Variants in EPM2A observed in about 807,000 individuals in gnomAD.
EPM2A encodes the protein laforin.
A neutral mutation model predicts 26.5 loss-of-function variants in EPM2A; 21 were observed. That is an observed-to-expected ratio of 0.79 (90% confidence interval 0.56 to 1.14). EPM2A has a LOEUF of 1.14. Among genes scored for constraint, EPM2A ranks in the 50% most tolerant of loss-of-function variants. The probability of loss-of-function intolerance (pLI) is 0.00; values close to 1 mark genes in which losing one functional copy is unlikely to be tolerated. For missense variants in EPM2A, 458 were observed against 440.8 expected, an observed-to-expected ratio of 1.04 and a Z score of -0.35; for synonymous variants, 217 against 177.6, an observed-to-expected ratio of 1.22 and a Z score of -1.76.
intron 2 of EPM2A, among the ~76,000 whole-genome samples, chr6:145,595,730 C>T (rs569372214): frequency 3.2e-4 from 49 of 152,056 alleles, no homozygotes; most frequent in African/African-American, 1.2e-3. Context: ...TCATTATTTT[C>T]CAGAGAATTT....
chr6:145,555,973 C>T (rs1488032545), intron 2 of EPM2A, among the ~76,000 whole-genome samples: 1 of 152,160 alleles, frequency 6.6e-6, no homozygotes, highest in Admixed American at 6.5e-5. Context: ...TTAATTAAGA[C>T]ACACATTAAC....
chr6:145,695,340 G>A (rs939340835), intron 1 of EPM2A, among the ~76,000 whole-genome samples: 4 of 151,844 alleles, frequency 2.6e-5, no homozygotes, highest in African/African-American at 9.7e-5. Flanking sequence ...TATCACTACA[G>A]AAGACAATCA....
intron 2 of EPM2A, among the ~76,000 whole-genome samples, chr6:145,566,428 A>G (rs957593087): frequency 6.6e-6 from 1 of 152,174 alleles, no homozygotes; most frequent in African/African-American, 2.4e-5. Context: ...CACCACCTGT[A>G]TCTTGAATTT....
chr6:145,576,004 T>A (rs1055003938), intron 2 of EPM2A, among the ~76,000 whole-genome samples: 11 of 152,146 alleles, frequency 7.2e-5, no homozygotes, highest in African/African-American at 2.7e-4. Flanking sequence ...CCTGGCTAAT[T>A]TTTGTACTTT....
chr6:145,397,109 C>T (rs961245744), intron 4 of EPM2A, among the ~76,000 whole-genome samples: 2 of 152,152 alleles, frequency 1.3e-5, no homozygotes, highest in Admixed American at 6.6e-5. Flanking sequence ...AGTTCACTCC[C>T]GTGAGAAAAC....
chr6:145,490,530 A>C (rs1416701082), intron 4 of EPM2A: 10 of 717,194 alleles, frequency 1.4e-5, no homozygotes, highest in Middle Eastern at 2.5e-4. Flanking sequence ...ACTGACATAC[A>C]TAAACTTTCT....
chr6:145,543,840 G>A lies in EPM2A; in HGVS notation c.341-41265C>T, dbSNP rs573502655. ...CAAGAACTGTGAAAGGAAAAAGATG[G>A]ATGTACACTCCAGTACAGTTTGGGA... On this transcript the variant is annotated intron_variant, in intron 2 of 3. Transcript: ENST00000450221. 1.5e-4 allele frequency among the ~76,000 whole-genome samples: 23 copies of A among 152,264 alleles called. 1 individual carries two copies. In the East Asian group the frequency reaches 4.1e-3, roughly 27 times the overall value.
At chr6:145,412,694 T>C (rs562723490) in intron 4 of EPM2A, among the ~76,000 whole-genome samples, 6 of 152,252 alleles carry the variant, frequency 3.9e-5, no homozygotes, top group Admixed American at 6.5e-5. Flanking sequence ...ATTGAGGCTT[T>C]GGATGCTGTT....
chr6:145,688,638 G>T (rs1473380453), intron 1 of EPM2A, among the ~76,000 whole-genome samples: 1 of 152,058 alleles, frequency 6.6e-6, no homozygotes, highest in Non-Finnish European at 1.5e-5. Context: ...AGTGTAAATG[G>T]TAATTGAAAT....
At chr6:145,496,598 T>A (rs1283081132), downstream of EPM2A, among the ~76,000 whole-genome samples, 1 of 152,174 alleles carries the variant, frequency 6.6e-6, no homozygotes, top group African/African-American at 2.4e-5. Flanking sequence ...TGAGATTCTT[T>A]TCTCTGCTTG....
intron 2 of EPM2A, among the ~76,000 whole-genome samples, chr6:145,534,272 T>A (rs1217740029): frequency 6.6e-6 from 1 of 152,178 alleles, no homozygotes; most frequent in Non-Finnish European, 1.5e-5. Flanking sequence ...GGGTCATGCA[T>A]GAAACAATAT....
At chr6:145,502,773 A>G (rs1779910327) in intron 2 of EPM2A, among the ~76,000 whole-genome samples, 1 of 152,250 alleles carries the variant, frequency 6.6e-6, no homozygotes, top group South Asian at 2.1e-4. Context: ...CATGACTATT[A>G]ATATATTTAT....
chr6:145,709,778 T>C (rs140634556), intron 1 of EPM2A, among the ~76,000 whole-genome samples: 102 of 152,276 alleles, frequency 6.7e-4, no homozygotes, highest in African/African-American at 2.3e-3. Context: ...CTTTAGATCA[T>C]GTAGAAGACA....
chr6:145,416,274 T>C (rs1778706885), intron 4 of EPM2A, among the ~76,000 whole-genome samples: 1 of 151,664 alleles, frequency 6.6e-6, no homozygotes. Flanking sequence ...TAATGCAGAT[T>C]GTCATTAACA....
downstream of EPM2A, among the ~76,000 whole-genome samples, chr6:145,625,021 AG>A (rs888573439): frequency 1.3e-5 from 2 of 152,212 alleles, no homozygotes; most frequent in South Asian, 2.1e-4. Context: ...GTGATTGAAA[AG>A]TTTTGTTAAA....
intron 2 of EPM2A, among the ~76,000 whole-genome samples, chr6:145,598,356 G>A (rs1781375809): frequency 6.6e-6 from 1 of 151,882 alleles, no homozygotes; most frequent in African/African-American, 2.4e-5. Context: ...ATGTTTGTTG[G>A]CCCTATGTAT....
At chr6:145,545,935 G>A (rs1352537014) in intron 2 of EPM2A, among the ~76,000 whole-genome samples, 1 of 152,150 alleles carries the variant, frequency 6.6e-6, no homozygotes, top group Non-Finnish European at 1.5e-5. Context: ...AGGATGTTGA[G>A]TCTGCTTGCT....
intron 1 of EPM2A, among the ~76,000 whole-genome samples, chr6:145,702,663 T>C (rs1266256266): frequency 6.6e-6 from 1 of 152,148 alleles, no homozygotes; most frequent in African/African-American, 2.4e-5. Context: ...TGTACACTAA[T>C]GCAAAAGAGG....
At chr6:145,707,122 C>A (rs911252042) in intron 1 of EPM2A, among the ~76,000 whole-genome samples, 6 of 152,150 alleles carry the variant, frequency 3.9e-5, no homozygotes, top group African/African-American at 7.2e-5. Context: ...AAATAAATTT[C>A]TTTTGTTTAT....
Sources: gnomAD v4.1 joint callset for allele counts (sites outside exome capture counted in the v4.1 genomes callset) on GRCh38, gnomAD v4.1.1 for gene constraint, MANE v1.5 for transcripts, NCBI Gene and HGNC (gene_info 2026-07-23, HGNC 2026-07-21) for gene names.